The following GUCY1A2 variants were observed in gnomAD, a reference collection of about 807,000 sequenced individuals.
The protein encoded by GUCY1A2 is guanylate cyclase soluble subunit alpha-2.
Under a neutral mutation model 63.5 loss-of-function variants are expected in GUCY1A2, and 27 were observed. The observed-to-expected ratio is 0.43, with a 90% CI of 0.31 to 0.59. GUCY1A2 has a LOEUF of 0.59. Ranked by LOEUF, GUCY1A2 falls within the 20% of genes least tolerant of loss-of-function variation. GUCY1A2 has a pLI of 0.11. For missense variants in GUCY1A2, 768 were observed against 913.3 expected (o/e 0.84, Z 2.05); for synonymous variants, 364 against 343.5 (o/e 1.06, Z -0.66).
chr11:106,839,210 C>A (rs1229509371), intron 4 of GUCY1A2, among the ~76,000 whole-genome samples: 1 of 151,722 alleles, frequency 6.6e-6, no homozygotes, highest in Non-Finnish European at 1.5e-5. Flanking sequence ...CCAGTTTTCC[C>A]AGCACCATTT....
rs1232883949 is a variant in GUCY1A2, at chr11:107,018,419, C to CGGCGG, written c.-369_-365dup. ...GGCTCCGAGAGTGTGTGACCGCGGTCGGCGGGGCGGGGAGGGCTGCGGCCC... is the reference window on the plus strand; with the variant it reads ...GGCTCCGAGAGTGTGTGACCGCGGTCGGCGGGGCGGGGCGGGGAGGGCTGCGGCCC... On this transcript the variant is annotated 5_prime_UTR_variant, in exon 1 of 8. Coordinates refer to ENST00000526355, the MANE Select transcript of GUCY1A2 (RefSeq NM_000855.3). The CGGCGG allele has an allele frequency of 7.3e-5, 11 of 150,522 alleles. No individual in the cohort carries two copies. The South Asian group carries it at 1.9e-3, about 26-fold the overall frequency. The allele number at this position is 150,522 out of a possible 1,614,324, so 9.3% of individuals were successfully genotyped here.
At chr11:106,749,296 TAACTG>T (rs1863844864) in intron 6 of GUCY1A2, among the ~76,000 whole-genome samples, 1 of 152,102 alleles carries the variant, frequency 6.6e-6, no homozygotes, top group South Asian at 2.1e-4. Flanking sequence ...GACACATAAA[TAACTG>T]TAATGTATGT....
At chr11:106,791,298 CCTT>C (rs1480526191) in intron 5 of GUCY1A2, among the ~76,000 whole-genome samples, 1 of 152,202 alleles carries the variant, frequency 6.6e-6, no homozygotes, top group Non-Finnish European at 1.5e-5. Context: ...ACTGCAGTCT[CCTT>C]CTCTCCAGTG....
intron 4 of GUCY1A2, among the ~76,000 whole-genome samples, chr11:106,894,140 C>T (rs1016852825): frequency 3.3e-5 from 5 of 152,062 alleles, no homozygotes; most frequent in African/African-American, 4.8e-5. Context: ...TCTAGCCTTC[C>T]GCATGGAGGA....
chr11:107,005,793 A>G (rs12292596), intron 1 of GUCY1A2, among the ~76,000 whole-genome samples: 11,629 of 152,208 alleles, frequency 0.076, 1,009 homozygotes, highest in African/African-American at 0.22. Context: ...AACATCTTTT[A>G]TAAGTATATT....
chr11:106,792,545 G>A (rs976052847), intron 5 of GUCY1A2, among the ~76,000 whole-genome samples: 1 of 152,034 alleles, frequency 6.6e-6, no homozygotes, highest in African/African-American at 2.4e-5. Context: ...GCAGAAAAAG[G>A]CTTTCAATAA....
At chr11:106,940,473 G>A (rs1860738255) in intron 3 of GUCY1A2, among the ~76,000 whole-genome samples, 2 of 152,054 alleles carry the variant, frequency 1.3e-5, no homozygotes, top group Admixed American at 1.3e-4. Context: ...TGAGCAGAAG[G>A]CACAGTTATT....
At chr11:106,841,179 C>G (rs1301740468) in intron 4 of GUCY1A2, among the ~76,000 whole-genome samples, 4 of 151,780 alleles carry the variant, frequency 2.6e-5, no homozygotes, top group Non-Finnish European at 4.4e-5. Flanking sequence ...TACTAGTACG[C>G]CCCTGCAAAC....
At chr11:106,800,744 AG>A (rs1243235915) in intron 5 of GUCY1A2, among the ~76,000 whole-genome samples, 1 of 151,878 alleles carries the variant, frequency 6.6e-6, no homozygotes, top group Admixed American at 6.6e-5. Context: ...GTCGTGGGGT[AG>A]GGGGAAGGGG....
rs180880639 is a variant in GUCY1A2 at position 106,907,612 on chromosome 11, G to A, written c.1206+31848C>T. On this transcript the variant is annotated intron_variant, in intron 4 of 7. Transcript: ENST00000526355. ...GATGTTCCCCTTCCTGTGTCCATGT[G>A]TTCTCATTGCTCAATTCCCACCTAT... 4.4e-3 allele frequency among the ~76,000 whole-genome samples: 664 copies of A among 151,856 alleles called. 7 individuals carry two copies. Among genetic ancestry groups the A allele is most frequent in the African/African-American group, 0.016 (646 of 41,398 alleles).
intron 4 of GUCY1A2, among the ~76,000 whole-genome samples, chr11:106,868,776 C>CA (rs1273540954): frequency 6.6e-6 from 1 of 152,026 alleles, no homozygotes; most frequent in Non-Finnish European, 1.5e-5. Flanking sequence ...CATATGGAAC[C>CA]AAAAAAGAGC....
At chr11:106,984,620 T>C (rs1861378105) in intron 2 of GUCY1A2, among the ~76,000 whole-genome samples, 1 of 152,062 alleles carries the variant, frequency 6.6e-6, no homozygotes. Flanking sequence ...TCCCAGAAAA[T>C]TAGACTTTGA....
At chr11:106,744,884 C>T (rs1863759636) in intron 6 of GUCY1A2, among the ~76,000 whole-genome samples, 1 of 152,030 alleles carries the variant, frequency 6.6e-6, no homozygotes, top group South Asian at 2.1e-4. Context: ...CCTTAAACTG[C>T]TATATACTTT....
intron 7 of GUCY1A2, among the ~76,000 whole-genome samples, chr11:106,705,932 T>A (rs772823534): frequency 7.2e-5 from 11 of 152,274 alleles, no homozygotes; most frequent in Non-Finnish European, 1.6e-4. Flanking sequence ...AATGAAAGAC[T>A]GAGAAAATTA....
chr11:106,956,055 G>A (rs181187250), intron 3 of GUCY1A2, among the ~76,000 whole-genome samples: 3 of 151,350 alleles, frequency 2.0e-5, no homozygotes, highest in African/African-American at 7.3e-5. Context: ...AACTCTGATA[G>A]CCTTTCTTCT....
intron 4 of GUCY1A2, among the ~76,000 whole-genome samples, chr11:106,930,383 G>T (rs1860584882): frequency 6.6e-6 from 1 of 152,148 alleles, no homozygotes; most frequent in Admixed American, 6.5e-5. Context: ...GGAGTGCAGT[G>T]GTGCGATCCT....
intron 4 of GUCY1A2, among the ~76,000 whole-genome samples, chr11:106,848,181 A>T (rs1253170512): frequency 2.0e-5 from 3 of 151,642 alleles, no homozygotes; most frequent in Admixed American, 1.3e-4. Flanking sequence ...CATGTTGTTC[A>T]ATTTTTATTT....
chr11:106,815,184 G>A (rs1858814467), intron 4 of GUCY1A2, among the ~76,000 whole-genome samples: 1 of 152,092 alleles, frequency 6.6e-6, no homozygotes. Context: ...GAATGGAGAT[G>A]ACAGAGGATA....
At chr11:106,912,415 C>G (rs1404472922) in intron 4 of GUCY1A2, among the ~76,000 whole-genome samples, 1 of 152,040 alleles carries the variant, frequency 6.6e-6, no homozygotes, top group Admixed American at 6.6e-5. Context: ...TGAACCCAAA[C>G]CTTTTCCTCT....
Sources: gnomAD v4.1 joint callset for allele counts (sites outside exome capture counted in the v4.1 genomes callset) on GRCh38, gnomAD v4.1.1 for gene constraint, MANE v1.5 for transcripts, NCBI Gene and HGNC (gene_info 2026-07-23, HGNC 2026-07-21) for gene names.